Variants in GREB1L observed in about 807,000 individuals in gnomAD.
GREB1L encodes the protein GREB1-like protein.
A neutral mutation model predicts 200.8 loss-of-function variants in GREB1L; 17 were observed. The ratio of observed to expected loss-of-function variants is 0.08; its 90% confidence interval spans 0.06 to 0.13. The LOEUF is 0.13. Ranked by LOEUF, GREB1L falls within the 10% of genes least tolerant of loss-of-function variation. GREB1L has a pLI of 1.00. For synonymous variants in GREB1L, 789 were observed against 893.0 expected (o/e 0.88, Z 2.08); for missense variants, 1,657 against 2,367.7 (o/e 0.70, Z 6.23).
At chr18:21,324,205 A>G (rs1002783915) in intron 1 of GREB1L, among the ~76,000 whole-genome samples, 3 of 152,220 alleles carry the variant, frequency 2.0e-5, no homozygotes, top group Non-Finnish European at 1.5e-5. Context: ...ATAATATTTA[A>G]TAAAATATGC....
At chr18:21,515,906 A>G (rs2146093890) in intron 29 of GREB1L, among the ~76,000 whole-genome samples, 1 of 152,308 alleles carries the variant, frequency 6.6e-6, no homozygotes, top group East Asian at 1.9e-4. Context: ...TCAAGACACA[A>G]AAACTACTGA....
intron 16 of GREB1L, among the ~76,000 whole-genome samples, chr18:21,473,895 C>T (rs2035583470): frequency 6.6e-6 from 1 of 152,010 alleles, no homozygotes; most frequent in Non-Finnish European, 1.5e-5. Flanking sequence ...TGGCGGCAGG[C>T]AAAGAGAGAA....
intron 7 of GREB1L, among the ~76,000 whole-genome samples, chr18:21,412,021 C>T (rs1364984504): frequency 7.3e-5 from 10 of 136,428 alleles, no homozygotes; most frequent in East Asian, 6.8e-4. Flanking sequence ...GTCCTCAGTC[C>T]GGCCTGGGCG....
intron 7 of GREB1L, among the ~76,000 whole-genome samples, chr18:21,419,622 G>T (rs1201902341): frequency 6.6e-6 from 1 of 152,122 alleles, no homozygotes; most frequent in Non-Finnish European, 1.5e-5. Flanking sequence ...GCTAATTTTT[G>T]TATTTTTTGT....
In GREB1L at chr18:21,506,007, G is replaced by A. The variant is rs11083179; in HGVS notation, c.4368+58G>A. On this transcript the variant is annotated intron_variant, in intron 25 of 32. Transcript: ENST00000424526. ...ACCCAGTATGGATTTTGTATGTAAG[G>A]GTGGGGGGTGGAGGGATGAAAAATA... 6.8e-4 allele frequency: 1,013 copies of A among 1,491,636 alleles called. 6 individuals carry two copies. The African/African-American group carries it at 0.012, about 17-fold the overall frequency. The allele number at this position is 1,491,636 out of a possible 1,614,324, so 92.4% of individuals were successfully genotyped here.
intron 2 of GREB1L, among the ~76,000 whole-genome samples, chr18:21,377,790 A>G (rs1401128988): frequency 1.3e-5 from 2 of 152,000 alleles, no homozygotes; most frequent in African/African-American, 4.8e-5. Context: ...GGCACCTGTA[A>G]TCCCAGCTAC....
chr18:21,299,144 G>T (rs1598639978), intron 1 of GREB1L, among the ~76,000 whole-genome samples: 1 of 151,606 alleles, frequency 6.6e-6, no homozygotes, highest in East Asian at 2.0e-4. Context: ...CAGGCATGGT[G>T]GCAGGTGCCT....
chr18:21,314,643 T>C (rs1462010420), intron 1 of GREB1L, among the ~76,000 whole-genome samples: 1 of 152,226 alleles, frequency 6.6e-6, no homozygotes, highest in South Asian at 2.1e-4. Flanking sequence ...TTTTAGATCA[T>C]GGATAGGCAA....
chr18:21,451,975 T>A (rs1240589973), intron 13 of GREB1L, 108 bp from the exon 14 acceptor site: 1 of 991,832 alleles, frequency 1.0e-6, no homozygotes, highest in Non-Finnish European at 1.5e-6. Context: ...AATTGCTGGC[T>A]GACCAACAAA....
intron 2 of GREB1L, among the ~76,000 whole-genome samples, chr18:21,370,490 T>C (rs1401261438): frequency 6.6e-6 from 1 of 152,200 alleles, no homozygotes; most frequent in Non-Finnish European, 1.5e-5. Flanking sequence ...TTATTCACTC[T>C]CATCAGGGAA....
At chr18:21,462,391 A>C (rs2035081213) in intron 15 of GREB1L, among the ~76,000 whole-genome samples, 1 of 152,214 alleles carries the variant, frequency 6.6e-6, no homozygotes, top group South Asian at 2.1e-4. Context: ...AAAACAAAAC[A>C]AAGCATGAAA....
chr18:21,401,558 G>A (rs1401831559), intron 6 of GREB1L, among the ~76,000 whole-genome samples: 2 of 152,146 alleles, frequency 1.3e-5, no homozygotes, highest in Non-Finnish European at 2.9e-5. Flanking sequence ...TCTTGGGAAG[G>A]GGGTACAGCT....
intron 1 of GREB1L, among the ~76,000 whole-genome samples, chr18:21,303,796 A>T: frequency 6.6e-6 from 1 of 152,168 alleles, no homozygotes; most frequent in Admixed American, 6.6e-5. Flanking sequence ...AATATTTTTA[A>T]TTGTATAATA....
intron 1 of GREB1L, among the ~76,000 whole-genome samples, chr18:21,257,928 G>A (rs1452864537): frequency 6.6e-6 from 1 of 152,156 alleles, no homozygotes; most frequent in Non-Finnish European, 1.5e-5. Flanking sequence ...CTTTACAGCT[G>A]AGATAACTAA....
chr18:21,515,336 T>C lies in GREB1L; in HGVS notation c.4902-81T>C, dbSNP rs1328338125. The C allele has an allele frequency of 1.6e-5, 14 of 898,050 alleles. No individual in the cohort carries two copies. In the East Asian group the frequency reaches 3.4e-4, roughly 22 times the overall value. The allele number at this position is 898,050 out of a possible 1,614,324, so 55.6% of individuals were successfully genotyped here. On this transcript the variant is annotated intron_variant, in intron 28 of 32. Transcript: ENST00000424526. ...TTTATCCTTGAGAGTATTACTGGTATATAGTAGTGTGTAGACACTTCACAA... is the reference window on the plus strand; with the variant it reads ...TTTATCCTTGAGAGTATTACTGGTACATAGTAGTGTGTAGACACTTCACAA...
At chr18:21,448,448 C>A (rs2034350879) in intron 11 of GREB1L, among the ~76,000 whole-genome samples, 1 of 152,130 alleles carries the variant, frequency 6.6e-6, no homozygotes, top group Admixed American at 6.6e-5. Flanking sequence ...GCCAGAGAAA[C>A]CACTTAGATC....
intron 30 of GREB1L, among the ~76,000 whole-genome samples, chr18:21,517,562 G>C (rs1324009519): frequency 6.6e-6 from 1 of 152,166 alleles, no homozygotes; most frequent in Non-Finnish European, 1.5e-5. Context: ...TCCTTTGCTA[G>C]AAGTTTCTTA....
intron 7 of GREB1L, among the ~76,000 whole-genome samples, chr18:21,431,919 C>CTTTTTTTTTTTTTTTTTTTTTTTTT (rs773523492): frequency 1.1e-5 from 1 of 91,278 alleles, no homozygotes. Context: ...CTTTTCTTTT[C>CTTTTTTTTTTTTTTTTTTTTTTTTT]TTTTTTTTTT....
chr18:21,389,333 G>GGTTTTT (rs2040687475), intron 4 of GREB1L, among the ~76,000 whole-genome samples: 1 of 95,632 alleles, frequency 1.0e-5, no homozygotes, highest in Non-Finnish European at 2.1e-5. Context: ...TATGGGGTGG[G>GGTTTTT]TTTTTTTTTT....
Sources: allele counts gnomAD v4.1 joint callset (sites outside exome capture counted in the v4.1 genomes callset), GRCh38; gene constraint gnomAD v4.1.1; transcripts MANE v1.5; gene names NCBI Gene and HGNC (gene_info 2026-07-23, HGNC 2026-07-21).